NCALD: variants seen among roughly 807,000 people sequenced by gnomAD.
NCALD encodes neurocalcin delta.
NCALD carries 10 observed loss-of-function variants against 18.6 expected under a neutral mutation model. That is an observed-to-expected ratio of 0.54 (90% CI 0.33 to 0.91). The LOEUF is 0.91. Among genes scored for constraint, NCALD ranks in the 40% least tolerant of loss-of-function variants. The pLI is 0.03. For synonymous variants in NCALD, 88 were observed against 87.4 expected (o/e 1.01, Z -0.04); for missense variants, 184 against 247.6 (o/e 0.74, Z 1.72).
intron 1 of NCALD, among the ~76,000 whole-genome samples, chr8:102,103,197 A>G (rs935622896): frequency 6.6e-6 from 1 of 151,786 alleles, no homozygotes; most frequent in Non-Finnish European, 1.5e-5. Flanking sequence ...CCTCCCCTCT[A>G]CTGTACTTGC....
At chr8:101,821,881 T>TA (rs370878560) in intron 4 of NCALD, among the ~76,000 whole-genome samples, 3,727 of 116,424 alleles carry the variant, frequency 0.032, 161 homozygotes, top group African/African-American at 0.085. Context: ...GGGTTCTAAG[T>TA]AAAAAAAAAA....
At chr8:101,844,797 G>A (rs1204275832) in intron 4 of NCALD, among the ~76,000 whole-genome samples, 1 of 152,124 alleles carries the variant, frequency 6.6e-6, no homozygotes, top group African/African-American at 2.4e-5. Context: ...TATTGTGCAG[G>A]GTGCTTATTC....
rs180808603 is a variant in NCALD at position 102,045,357 on chromosome 8, T to A, written c.-209-25068A>T. Among the ~76,000 whole-genome samples, 220 of 152,316 alleles carry A rather than the reference T, an allele frequency of 1.4e-3. 3 individuals are homozygous for A. Among genetic ancestry groups the A allele is most frequent in the Admixed American group, 0.014 (211 of 15,300 alleles). ...CACTTTAACCTCACTGAAATGCACA[T>A]AGCTCACAAATAGACTAGGAATGTT... On this transcript the variant is annotated intron_variant, in intron 1 of 6. Transcript: ENST00000311028.
chr8:101,810,917 A>C (rs951032011), intron 4 of NCALD, among the ~76,000 whole-genome samples: 8 of 152,216 alleles, frequency 5.3e-5, no homozygotes, highest in African/African-American at 1.7e-4. Flanking sequence ...TAATTAGGAC[A>C]TTTAAAGCAT....
chr8:101,969,527 A>T (rs1400088126), intron 2 of NCALD, among the ~76,000 whole-genome samples: 3 of 152,210 alleles, frequency 2.0e-5, no homozygotes, highest in Non-Finnish European at 4.4e-5. Flanking sequence ...AGAGAGTATT[A>T]TGTTAATTAT....
intron 2 of NCALD, among the ~76,000 whole-genome samples, chr8:101,966,766 T>A (rs1820048737): frequency 6.6e-6 from 1 of 152,148 alleles, no homozygotes; most frequent in African/African-American, 2.4e-5. Context: ...CTTAAAAGAA[T>A]AATCAGAGAA....
At chr8:101,797,085 T>A (rs1366807233) in intron 4 of NCALD, among the ~76,000 whole-genome samples, 1 of 152,230 alleles carries the variant, frequency 6.6e-6, no homozygotes, top group Non-Finnish European at 1.5e-5. Flanking sequence ...GTCTCATGTC[T>A]CCCTAAAATT....
chr8:101,717,431 T>C (rs1260860429), intron 2 of NCALD, among the ~76,000 whole-genome samples: 2 of 152,226 alleles, frequency 1.3e-5, no homozygotes, highest in Admixed American at 1.3e-4. Flanking sequence ...GTATTTTTCA[T>C]TAAATTGCTT....
intron 2 of NCALD, among the ~76,000 whole-genome samples, chr8:101,951,532 T>C (rs1397320060): frequency 6.6e-6 from 1 of 152,162 alleles, no homozygotes; most frequent in African/African-American, 2.4e-5. Flanking sequence ...AGATGGGGCT[T>C]GATTTGGAGG....
chr8:101,693,004 T>A, intron 2 of NCALD, 108 bp from the exon 3 acceptor site: 3 of 750,392 alleles, frequency 4.0e-6, no homozygotes, highest in Admixed American at 2.1e-5. Context: ...CCCATCCGCA[T>A]TGGACCTAGT....
chr8:101,727,880 T>C (rs1816642956), intron 1 of NCALD, among the ~76,000 whole-genome samples: 1 of 152,228 alleles, frequency 6.6e-6, no homozygotes, highest in African/African-American at 2.4e-5. Flanking sequence ...GCTTTGATCC[T>C]GCATTTCCTT....
At chr8:101,988,154 C>CAAAAAAAAAAAAAAAAAAA (rs141735735) in intron 2 of NCALD, among the ~76,000 whole-genome samples, 32 of 37,004 alleles carry the variant, frequency 8.6e-4, no homozygotes, top group East Asian at 2.3e-3. Context: ...GACTCCGTCT[C>CAAAAAAAAAAAAAAAAAAA]AAAAAAAAAA....
intron 3 of NCALD, chr8:101,692,314 G>A (rs1373096402): frequency 2.0e-6 from 2 of 985,226 alleles, no homozygotes; most frequent in East Asian, 2.3e-4. Context: ...CACTGTCTCT[G>A]GGAAACACAA....
intron 1 of NCALD, among the ~76,000 whole-genome samples, chr8:101,766,794 G>A (rs1811366423): frequency 6.6e-6 from 1 of 152,156 alleles, no homozygotes; most frequent in South Asian, 2.1e-4. Context: ...GGCCAGGCTG[G>A]TCTCGAACTT....
In NCALD at chr8:101,775,495, T is replaced by C. The variant is rs1811755705; in HGVS notation, c.-20+15367A>G. 2.6e-5 allele frequency among the ~76,000 whole-genome samples: 4 copies of C among 152,184 alleles called. No individual in the cohort carries two copies. The South Asian group carries it at 8.3e-4, about 32-fold the overall frequency. ...CCTCTGTAGATTCTGATTCAAAAGT[T>C]CTGAATTTGGCCTTAGGAATCTGCC... On this transcript the variant is annotated intron_variant, in intron 1 of 3. Coordinates refer to ENST00000220931, the MANE Select transcript of NCALD (RefSeq NM_032041.3).
At chr8:101,989,097 A>C (rs1278239848) in intron 2 of NCALD, among the ~76,000 whole-genome samples, 1 of 152,116 alleles carries the variant, frequency 6.6e-6, no homozygotes, top group Non-Finnish European at 1.5e-5. Flanking sequence ...ATTAATTTTG[A>C]ATTTGGTGCT....
intron 2 of NCALD, among the ~76,000 whole-genome samples, chr8:101,700,331 G>A (rs2130120798): frequency 6.6e-6 from 1 of 152,298 alleles, no homozygotes; most frequent in East Asian, 1.9e-4. Context: ...TGGAAATACA[G>A]GCGTGAGCCA....
intron 2 of NCALD, among the ~76,000 whole-genome samples, chr8:101,919,234 C>A (rs1327131841): frequency 6.6e-6 from 1 of 152,140 alleles, no homozygotes; most frequent in Non-Finnish European, 1.5e-5. Context: ...TGCACACCTA[C>A]AGCTATCTGA....
At chr8:102,001,766 C>T (rs577698497) in intron 2 of NCALD, among the ~76,000 whole-genome samples, 16 of 152,126 alleles carry the variant, frequency 1.1e-4, no homozygotes, top group African/African-American at 2.9e-4. Context: ...ATTTCATATC[C>T]AGCCAAACTA....
Sources: gnomAD v4.1 joint callset for allele counts (sites outside exome capture counted in the v4.1 genomes callset) on GRCh38, gnomAD v4.1.1 for gene constraint, MANE v1.5 for transcripts, NCBI Gene and HGNC (gene_info 2026-07-23, HGNC 2026-07-21) for gene names.